The following PTPRN2 variants were observed in gnomAD, a reference collection of about 807,000 sequenced individuals.
PTPRN2 encodes the protein receptor-type tyrosine-protein phosphatase N2.
PTPRN2 carries 74 observed loss-of-function variants against 118.8 expected under a neutral mutation model. The observed-to-expected ratio is 0.62, with a 90% CI of 0.52 to 0.76. PTPRN2 has a LOEUF of 0.76. Ranked by LOEUF, PTPRN2 falls within the 30% of genes least tolerant of loss-of-function variation. PTPRN2 has a pLI of 0.00. For missense variants in PTPRN2, 1,481 were observed against 1,394.4 expected (o/e 1.06, Z -0.99); for synonymous variants, 641 against 608.0 (o/e 1.05, Z -0.80).
intron 5 of PTPRN2, among the ~76,000 whole-genome samples, chr7:158,173,726 C>T (rs572648604): frequency 2.0e-5 from 3 of 152,060 alleles, no homozygotes; most frequent in East Asian, 1.9e-4. Flanking sequence ...ACTCCCAGAA[C>T]GGCCATTCAT....
At chr7:158,527,006 G>A (rs985847297) in intron 1 of PTPRN2, among the ~76,000 whole-genome samples, 14 of 152,152 alleles carry the variant, frequency 9.2e-5, no homozygotes, top group African/African-American at 3.4e-4. Context: ...GGCATAACTT[G>A]TAACAACACA....
chr7:157,769,677 C>T (rs1249345345), intron 12 of PTPRN2, among the ~76,000 whole-genome samples: 5 of 152,216 alleles, frequency 3.3e-5, no homozygotes, highest in Non-Finnish European at 5.9e-5. Context: ...GGATTTGTAA[C>T]AGCACAGCAG....
In PTPRN2 at chr7:157,685,369, G is replaced by T. The variant is rs182258302; in HGVS notation, c.1789-2432C>A. ...GCGCCGTGAGGCCCACACGCGCGCG[G>T]TGACCACCCTGGTTCTGAGGGGGCG... is the stretch of plus-strand genomic sequence containing the variant. On this transcript the variant is annotated intron_variant, in intron 12 of 22. Coordinates refer to ENST00000389418, the MANE Select transcript of PTPRN2 (RefSeq NM_002847.5). 4.9e-3 allele frequency among the ~76,000 whole-genome samples: 753 copies of T among 152,164 alleles called. 15 individuals are homozygous for T. The highest frequency in any genetic ancestry group is 0.043 in the East Asian group (221 of 5,130).
intron 22 of PTPRN2, among the ~76,000 whole-genome samples, chr7:157,546,859 G>A (rs1798346198): frequency 6.6e-6 from 1 of 152,266 alleles, no homozygotes; most frequent in African/African-American, 2.4e-5. Context: ...AGCCATCTGT[G>A]TGCCAGGAAG....
At chr7:157,796,745 A>ATC (rs1804890464) in intron 12 of PTPRN2, among the ~76,000 whole-genome samples, 2 of 152,120 alleles carry the variant, frequency 1.3e-5, no homozygotes, top group Admixed American at 6.5e-5. Context: ...AAGGGAAGCA[A>ATC]TCTCGTCCCA....
intron 3 of PTPRN2, among the ~76,000 whole-genome samples, chr7:158,281,839 A>G (rs1168496224): frequency 6.6e-6 from 1 of 152,228 alleles, no homozygotes; most frequent in Non-Finnish European, 1.5e-5. Context: ...AAACCCTGCT[A>G]GTTCTTTTGA....
At chr7:158,144,473 A>G (rs1398941253) in intron 6 of PTPRN2, among the ~76,000 whole-genome samples, 1 of 152,206 alleles carries the variant, frequency 6.6e-6, no homozygotes, top group Non-Finnish European at 1.5e-5. Context: ...CTCCATCTCT[A>G]CTAAAAATAC....
chr7:157,755,646 T>C (rs1357094410), intron 12 of PTPRN2, among the ~76,000 whole-genome samples: 1 of 152,164 alleles, frequency 6.6e-6, no homozygotes, highest in Non-Finnish European at 1.5e-5. Flanking sequence ...ATGCCACATG[T>C]TCTCACTTAT....
In PTPRN2 at chr7:158,529,996, G is replaced by A. The variant is rs114237179; in HGVS notation, c.113-40211C>T. ...GCCACACATGCCATACACACCACAC[G>A]CATGCCACATGCACACCCCTAACTT... On this transcript the variant is annotated intron_variant, in intron 1 of 22. Transcript: ENST00000389418. The surrounding 1 kb of genome is among the most constrained non-coding windows in gnomAD (Gnocchi z 4.7). Among the ~76,000 whole-genome samples the A allele has an allele frequency of 3.5e-3, 527 of 152,090 alleles. 4 individuals are homozygous for A. The highest frequency in any genetic ancestry group is 0.011 in the African/African-American group (440 of 41,482).
chr7:158,533,533 C>T (rs781627402), intron 1 of PTPRN2, among the ~76,000 whole-genome samples: 9 of 152,176 alleles, frequency 5.9e-5, no homozygotes, highest in Admixed American at 2.0e-4. Context: ...CCGCCAGGAC[C>T]CTGTCCTGCG....
chr7:157,674,002 C>T lies in PTPRN2; in HGVS notation c.2001+8723G>A, dbSNP rs928736148. On this transcript the variant is annotated intron_variant, in intron 13 of 22. Transcript: ENST00000389418. This position sits in a 1 kb window ranked among gnomAD's most constrained non-coding sequence, Gnocchi z 4.5. ...AGAAGCGATAAGCTTTCTGAGAAAA[C>T]GCCTTCTGGGTCAGCTCCAAGTTCA... is the stretch of plus-strand genomic sequence containing the variant. Among the ~76,000 whole-genome samples the T allele has an allele frequency of 3.9e-5, 6 of 152,172 alleles. No individual in the cohort carries two copies. The highest frequency in any genetic ancestry group is 2.1e-4 in the South Asian group (1 of 4,834).
chr7:157,571,311 T>C (rs1308701213), intron 20 of PTPRN2, 129 bp downstream of exon 20: 2 of 668,654 alleles, frequency 3.0e-6, no homozygotes, highest in East Asian at 5.5e-5. Context: ...TTTATATTTT[T>C]GGTTTCCTTT....
chr7:157,700,966 G>A (rs1424255229), intron 12 of PTPRN2, among the ~76,000 whole-genome samples: 2 of 152,110 alleles, frequency 1.3e-5, no homozygotes, highest in African/African-American at 2.4e-5. Flanking sequence ...ATCATTTCAC[G>A]CATGTGCACA....
intron 2 of PTPRN2, among the ~76,000 whole-genome samples, chr7:158,341,959 C>G (rs1238003708): frequency 4.3e-5 from 5 of 117,276 alleles, no homozygotes; most frequent in African/African-American, 9.8e-5. Flanking sequence ...CTGTCGCCCG[C>G]AGACGTCACT....
chr7:157,747,517 G>A (rs1268176470), intron 12 of PTPRN2, among the ~76,000 whole-genome samples: 5 of 94,984 alleles, frequency 5.3e-5, no homozygotes, highest in South Asian at 4.8e-4. Context: ...TGGGGTGTGC[G>A]GGTGATTCTG....
rs1172059790 is a variant in PTPRN2 at position 157,629,844 on chromosome 7, G to A, written c.2197-8335C>T. Among the ~76,000 whole-genome samples the A allele has an allele frequency of 2.6e-5, 4 of 152,146 alleles. No homozygotes were observed. Among genetic ancestry groups the A allele is most frequent in the Non-Finnish European group, 5.9e-5 (4 of 68,018 alleles). ...TTACAATCAAACCTTTTGTTAAAAC[G>A]AATAATAGAATCCCTTTACATTTTC... On this transcript the variant is annotated intron_variant, in intron 14 of 22. Coordinates refer to ENST00000389418, the MANE Select transcript of PTPRN2 (RefSeq NM_002847.5). The surrounding 1 kb of genome is among the most constrained non-coding windows in gnomAD (Gnocchi z 4.4).
intron 1 of PTPRN2, among the ~76,000 whole-genome samples, chr7:158,493,418 CACGTAT>C: frequency 1.5e-4 from 1 of 6,508 alleles, no homozygotes; most frequent in Non-Finnish European, 3.9e-4. Flanking sequence ...CAGACACGTA[CACGTAT>C]GCACACACGT....
chr7:158,177,625 A>G (rs1464739114), intron 5 of PTPRN2, among the ~76,000 whole-genome samples: 2 of 152,156 alleles, frequency 1.3e-5, no homozygotes, highest in Non-Finnish European at 2.9e-5. Context: ...AGCTTTCCAA[A>G]CTGGAATTAT....
chr7:158,585,390 G>A (rs1828855298), intron 1 of PTPRN2, among the ~76,000 whole-genome samples: 2 of 152,208 alleles, frequency 1.3e-5, no homozygotes, highest in South Asian at 4.1e-4. Context: ...GAATGTAGGT[G>A]ATGCCTTTCA....
Sources: allele counts gnomAD v4.1 joint callset (sites outside exome capture counted in the v4.1 genomes callset), GRCh38; gene constraint gnomAD v4.1.1; non-coding constraint Gnocchi (gnomAD v3.1); transcripts MANE v1.5; gene names NCBI Gene and HGNC (gene_info 2026-07-23, HGNC 2026-07-21).